The following APPBP2 variants were observed in gnomAD, a reference collection of about 807,000 sequenced individuals.
The protein encoded by APPBP2 is amyloid protein-binding protein 2.
APPBP2 carries 15 observed loss-of-function variants against 76.0 expected under a neutral mutation model. The observed-to-expected ratio is 0.20, with a 90% CI of 0.13 to 0.30. APPBP2 has a LOEUF of 0.30. Ranked by LOEUF, APPBP2 falls within the 10% of genes least tolerant of loss-of-function variation. APPBP2 has a pLI of 1.00. For synonymous variants in APPBP2, 222 were observed against 242.2 expected, an observed-to-expected ratio of 0.92 and a Z score of 0.77; for missense variants, 401 against 687.2, an observed-to-expected ratio of 0.58 and a Z score of 4.66.
At chr17:60,485,592 CTTCT>C (rs965107684) in intron 3 of APPBP2, among the ~76,000 whole-genome samples, 2 of 151,730 alleles carry the variant, frequency 1.3e-5, no homozygotes, top group Non-Finnish European at 1.5e-5. Context: ...TTCTTCTTTT[CTTCT>C]TTATTAGTCT....
At chr17:60,458,446 C>CA (rs1187911584) in intron 9 of APPBP2, among the ~76,000 whole-genome samples, 19 of 149,834 alleles carry the variant, frequency 1.3e-4, no homozygotes, top group African/African-American at 4.8e-4. Context: ...AAAAAAAAAA[C>CA]AAAACAAAAA....
intron 3 of APPBP2, among the ~76,000 whole-genome samples, chr17:60,485,325 C>G (rs183796139): frequency 1.3e-5 from 2 of 152,286 alleles, no homozygotes; most frequent in Non-Finnish European, 2.9e-5. Flanking sequence ...GTGAATCAGT[C>G]TGGTCCTAGA....
chr17:60,482,323 CT>C (rs145534895), intron 3 of APPBP2, among the ~76,000 whole-genome samples: 8,150 of 152,186 alleles, frequency 0.054, 710 homozygotes, highest in African/African-American at 0.18. Context: ...TTAATTTTCC[CT>C]TTGAATAGCC....
At chr17:60,458,555 T>G (rs2090449429) in intron 9 of APPBP2, among the ~76,000 whole-genome samples, 1 of 152,194 alleles carries the variant, frequency 6.6e-6, no homozygotes, top group African/African-American at 2.4e-5. Context: ...TAGTAAATAT[T>G]TTAGGTTGTG....
intron 3 of APPBP2, among the ~76,000 whole-genome samples, chr17:60,489,416 G>A (rs1429649915): frequency 3.9e-5 from 6 of 151,916 alleles, no homozygotes; most frequent in Admixed American, 6.6e-5. Context: ...TTTGAGACCA[G>A]CCTGGCCAAC....
intron 3 of APPBP2, among the ~76,000 whole-genome samples, chr17:60,480,119 GTA>G (rs1376235376): frequency 1.3e-5 from 2 of 152,068 alleles, no homozygotes; most frequent in Non-Finnish European, 2.9e-5. Context: ...TACCATCATG[GTA>G]TGTTCTAAAA....
intron 1 of APPBP2, among the ~76,000 whole-genome samples, chr17:60,518,190 G>GT (rs1353780186): frequency 1.3e-5 from 2 of 151,444 alleles, no homozygotes; most frequent in Non-Finnish European, 2.9e-5. Context: ...CACTACAGGT[G>GT]TATGTCGCCA....
rs9893478 is a variant in APPBP2, at chr17:60,444,162, T to G, written c.*3419A>C. The G allele has an allele frequency of 0.16, 24,410 of 151,538 alleles. 6,689 individuals are homozygous for G. The highest frequency in any genetic ancestry group is 0.56 in the African/African-American group (22,903 of 40,720). The allele number at this position is 151,538 out of a possible 1,614,324, so 9.4% of individuals were successfully genotyped here. Reference sequence around the variant, plus strand: ...AAAAAAAAATTTCCTGGCAACTAAGTTCCTCCACAGCCAAGAGGTGAAGTA... The same window carrying G: ...AAAAAAAAATTTCCTGGCAACTAAGGTCCTCCACAGCCAAGAGGTGAAGTA... On this transcript the variant is annotated 3_prime_UTR_variant, in exon 13 of 13. Transcript: ENST00000083182.
intron 1 of APPBP2, among the ~76,000 whole-genome samples, chr17:60,515,201 C>T (rs1286205441): frequency 6.6e-6 from 1 of 151,292 alleles, no homozygotes; most frequent in Non-Finnish European, 1.5e-5. Context: ...CTGCAACCTC[C>T]ACCTCCTGGG....
chr17:60,490,825 GC>G (rs1348155569), intron 3 of APPBP2, among the ~76,000 whole-genome samples: 2 of 152,070 alleles, frequency 1.3e-5, no homozygotes, highest in Non-Finnish European at 2.9e-5. Flanking sequence ...ATTCTGTTTT[GC>G]CTGCCACCAT....
rs535531528 is a variant in APPBP2, at chr17:60,503,864, T to C, written c.139-3377A>G. 7.7e-5 allele frequency among the ~76,000 whole-genome samples: 10 copies of C among 130,648 alleles called. No individual in the cohort carries two copies. The East Asian group carries it at 1.3e-3, about 18-fold the overall frequency. The allele number at this position is 130,648 out of a possible 152,430, so 85.7% of individuals were successfully genotyped here. On this transcript the variant is annotated intron_variant, in intron 1 of 12. Transcript: ENST00000083182. ...CAGTTAAATAACCTTCTCAAAATCA[T>C]ATAATTAGGATGGGCAAAGCAGGAA...
intron 6 of APPBP2, among the ~76,000 whole-genome samples, chr17:60,463,183 T>G (rs962467081): frequency 6.6e-6 from 1 of 152,178 alleles, no homozygotes; most frequent in Admixed American, 6.5e-5. Flanking sequence ...TATTTTCTAG[T>G]TGAATTTCCA....
At chr17:60,516,081 T>A (rs2090960670) in intron 1 of APPBP2, among the ~76,000 whole-genome samples, 1 of 151,998 alleles carries the variant, frequency 6.6e-6, no homozygotes, top group South Asian at 2.1e-4. Flanking sequence ...CAGAACTGCT[T>A]GAACCCAGAA....
chr17:60,495,674 G>A (rs938267813), intron 2 of APPBP2, among the ~76,000 whole-genome samples: 1 of 151,790 alleles, frequency 6.6e-6, no homozygotes, highest in Non-Finnish European at 1.5e-5. Flanking sequence ...GTGAAAAAAC[G>A]GGAACCCTCA....
At chr17:60,482,542 G>A (rs778843588) in intron 3 of APPBP2, among the ~76,000 whole-genome samples, 35 of 152,102 alleles carry the variant, frequency 2.3e-4, no homozygotes, top group African/African-American at 6.5e-4. Context: ...CCATCAACTC[G>A]TCATTTACAT....
intron 2 of APPBP2, among the ~76,000 whole-genome samples, chr17:60,494,979 G>GTT (rs1567934313): frequency 2.6e-5 from 3 of 116,844 alleles, no homozygotes; most frequent in African/African-American, 4.9e-5. Context: ...TTTTTGTTTT[G>GTT]TTTTGTTTTT....
At chr17:60,491,053 G>GT (rs2090725076) in intron 3 of APPBP2, among the ~76,000 whole-genome samples, 1 of 152,186 alleles carries the variant, frequency 6.6e-6, no homozygotes, top group African/African-American at 2.4e-5. Context: ...TTGGAACTGG[G>GT]TAACAGGCAA....
chr17:60,478,639 G>C (rs1263683566), intron 4 of APPBP2, among the ~76,000 whole-genome samples: 1 of 152,146 alleles, frequency 6.6e-6, no homozygotes, highest in African/African-American at 2.4e-5. Context: ...AACACATTCT[G>C]GGCCAGGCAC....
In APPBP2 at chr17:60,488,724, A is replaced by C. The variant is rs79049254; in HGVS notation, c.379+5742T>G. Among the ~76,000 whole-genome samples, 1,505 of 152,266 alleles carry C rather than the reference A, an allele frequency of 9.9e-3. 29 individuals carry two copies. The highest frequency in any genetic ancestry group is 0.035 in the African/African-American group (1,442 of 41,526). On this transcript the variant is annotated intron_variant, in intron 3 of 12. Coordinates refer to ENST00000083182, the MANE Select transcript of APPBP2 (RefSeq NM_006380.5). The stretch of plus-strand genomic sequence containing the variant: ...TTATAATGGCCAGATTGGCATAAGT[A>C]GATGTGGAGATGATAGAGGACCTCA...
Sources: allele counts gnomAD v4.1 joint callset (sites outside exome capture counted in the v4.1 genomes callset), GRCh38; gene constraint gnomAD v4.1.1; transcripts MANE v1.5; gene names NCBI Gene and HGNC (gene_info 2026-07-23, HGNC 2026-07-21).